LYSMD4: variants seen among roughly 807,000 people sequenced by gnomAD.
LYSMD4 encodes lysM and putative peptidoglycan-binding domain-containing protein 4.
LYSMD4 carries 9 observed loss-of-function variants against 6.1 expected under a neutral mutation model. The ratio of observed to expected loss-of-function variants is 1.47; its 90% CI spans 0.88 to 2.56. LYSMD4 has a LOEUF of 2.56. LYSMD4 is among the 30% of genes most tolerant of loss of function. The pLI is 0.00. For missense variants in LYSMD4, 384 were observed against 373.5 expected (o/e 1.03, Z -0.23); for synonymous variants, 143 against 148.5 (o/e 0.96, Z 0.27).
intron 1 of LYSMD4, chr15:99,732,817 C>G (rs944930321): frequency 6.6e-6 from 1 of 152,578 alleles, no homozygotes; most frequent in Non-Finnish European, 1.5e-5. Flanking sequence ...GCTCGACCCC[C>G]TACTCCCCGC....
chr15:99,731,393 C>G, intron 2 of LYSMD4: 1 of 1,613,220 alleles, frequency 6.2e-7, no homozygotes, highest in Non-Finnish European at 8.5e-7. Flanking sequence ...CCTGGTATCT[C>G]CAGCCCCATT....
upstream of LYSMD4, among the ~76,000 whole-genome samples, chr15:99,719,262 G>A (rs1279213959): frequency 6.6e-6 from 1 of 152,186 alleles, no homozygotes; most frequent in Non-Finnish European, 1.5e-5. Context: ...CTTACTATTT[G>A]TAACATGGTT....
chr15:99,732,023 G>A lies in LYSMD4; in HGVS notation c.-8-16C>T, dbSNP rs1484040364. 4 of 1,536,466 alleles carry A rather than the reference G, an allele frequency of 2.6e-6. No homozygotes were observed. The highest frequency in any genetic ancestry group is 3.5e-6 in the Non-Finnish European group (4 of 1,135,884). The stretch of plus-strand genomic sequence containing the variant: ...ATTTTCTTCACTGAAAATCAAGCCG[G>A]AGGGTTAATTCCACAGAAGACATAA... On this transcript the variant is annotated splice_polypyrimidine_tract_variant and intron_variant, in intron 1 of 2. Transcript: ENST00000684762.
downstream of LYSMD4, among the ~76,000 whole-genome samples, chr15:99,723,314 C>A (rs2059251866): frequency 6.6e-6 from 1 of 152,202 alleles, no homozygotes; most frequent in Non-Finnish European, 1.5e-5. Flanking sequence ...CACACCGAGG[C>A]CCCTCAGAAT....
At position 99,727,552 on chromosome 15, in the gene LYSMD4, G is replaced by A. The variant is rs1168173311; in HGVS notation, c.*1571C>T. Reference sequence around the variant, plus strand: ...ATGTTAGAGGAACCTGTGGCCCTCAGTGACACAGAGAGCACAGACATTTGG... The same window carrying A: ...ATGTTAGAGGAACCTGTGGCCCTCAATGACACAGAGAGCACAGACATTTGG... On this transcript the variant is annotated 3_prime_UTR_variant, in exon 3 of 3. Transcript: ENST00000684762. 1 of 152,228 alleles carries A rather than the reference G, an allele frequency of 6.6e-6. No homozygotes were observed. Among genetic ancestry groups the A allele is most frequent in the Non-Finnish European group, 1.5e-5 (1 of 68,044 alleles). 9.4% of individuals were successfully genotyped at this position (152,228 alleles called of 1,614,324 possible).
chr15:99,723,910 A>G (rs1047826138), downstream of LYSMD4, among the ~76,000 whole-genome samples: 4 of 144,916 alleles, frequency 2.8e-5, no homozygotes, highest in Admixed American at 2.7e-4. Flanking sequence ...TCATGTCCAG[A>G]TCACTTAAAT....
At chr15:99,731,572 C>T (rs1380404990) in intron 2 of LYSMD4, 146 bp downstream of exon 2, 1 of 1,528,172 alleles carries the variant, frequency 6.5e-7, no homozygotes, top group African/African-American at 1.4e-5. Flanking sequence ...CCAATTCTGG[C>T]TAAATAGGGG....
downstream of LYSMD4, among the ~76,000 whole-genome samples, chr15:99,726,812 A>G (rs904683865): frequency 6.6e-6 from 1 of 152,208 alleles, no homozygotes; most frequent in Non-Finnish European, 1.5e-5. Context: ...ACATAGCAAA[A>G]TGTGGAATAG....
At chr15:99,723,327 C>T (rs972629645), downstream of LYSMD4, among the ~76,000 whole-genome samples, 7 of 152,232 alleles carry the variant, frequency 4.6e-5, no homozygotes, top group South Asian at 8.3e-4. Flanking sequence ...CTCAGAATCA[C>T]ACAGCCAGTT....
In LYSMD4 at chr15:99,731,777, G is replaced by A; in HGVS notation, c.223C>T (p.Gln75Ter). The A allele has an allele frequency of 6.2e-7, 1 of 1,610,590 alleles. No homozygotes were observed. The highest frequency in any genetic ancestry group is 1.3e-5 in the African/African-American group (1 of 74,984). Residue 75 changes from glutamine to a stop codon, truncating the protein, a stop_gained, in exon 2 of 3, where the codon CAG becomes TAG. Transcript: ENST00000684762. LOFTEE classifies it high-confidence loss of function. ...CTGTCCTCCTGGGCCAGCTCCCGCT[G>A]CAGCAGCACCACGTCACCTGCTCCC... ...QAGAGDVVLL[Q>*]RELAQEDSLN...
At position 99,729,659 on chromosome 15, in the gene LYSMD4, G is replaced by T. The variant is rs900124101; in HGVS notation, c.355C>A (p.Pro119Thr). Residue 119 changes from proline to threonine, a missense_variant, in exon 3 of 3, where the codon CCA (proline) becomes ACA (threonine). Pro to Thr is a conservative substitution (Grantham distance 38). Transcript: ENST00000684762. ...DLYALKSVKIPVRNHGILMET... is the reference protein window; with the variant it reads ...DLYALKSVKITVRNHGILMET... Reference sequence around the variant, plus strand: ...ATCAGGATCCCATGGTTTCTCACTGGAATCTTAACAGATTTCAAAGCATAT... The same window carrying T: ...ATCAGGATCCCATGGTTTCTCACTGTAATCTTAACAGATTTCAAAGCATAT... 1 of 1,613,850 alleles carries T rather than the reference G, an allele frequency of 6.2e-7. No individual in the cohort carries two copies. Among genetic ancestry groups the T allele is most frequent in the African/African-American group, 1.3e-5 (1 of 74,930 alleles).
At chr15:99,726,155 T>TTG (rs1200670451), downstream of LYSMD4, among the ~76,000 whole-genome samples, 1 of 135,846 alleles carries the variant, frequency 7.4e-6, no homozygotes, top group Non-Finnish European at 1.6e-5. Flanking sequence ...GGTTTTTTTT[T>TTG]TTTTTTTTTT....
chr15:99,731,838 C>T lies in LYSMD4; in HGVS notation c.162G>A (p.Glu54=), dbSNP rs1289609113. Residue 54 remains glutamate (E), a synonymous_variant, in exon 2 of 3, where the codon GAG becomes GAA. Transcript: ENST00000684762. ...HRVVLRPRGK[E]RHKSGVHQPP... ...GCTGGTGGACACCGCTCTTGTGGCG[C>T]TCCTTGCCCCGGGGCCGCAAAACCA... 6.2e-7 allele frequency: 1 copy of T among 1,613,194 alleles called. No individual in the cohort carries two copies. Among genetic ancestry groups the T allele is most frequent in the Middle Eastern group, 1.8e-4 (1 of 5,480 alleles).
intron 2 of LYSMD4, among the ~76,000 whole-genome samples, chr15:99,729,973 T>TGG (rs1567554576): frequency 6.6e-6 from 1 of 152,274 alleles, no homozygotes; most frequent in Non-Finnish European, 1.5e-5. Flanking sequence ...TTTACAGGTT[T>TGG]GAACAATTTA....
exon 1 of LYSMD4, chr15:99,717,600 G>GCAGCTGTTA (rs1360329270): frequency 1.3e-5 from 2 of 152,114 alleles, no homozygotes; most frequent in Admixed American, 1.3e-4. Context: ...CCCAGCTGTT[G>GCAGCTGTTA]CAGGCTTTGG....
At chr15:99,731,229 A>C in intron 2 of LYSMD4, 4 of 1,611,026 alleles carry the variant, frequency 2.5e-6, no homozygotes, top group Non-Finnish European at 1.7e-6. Context: ...AAACAGGGTT[A>C]TATAGATACA....
At chr15:99,716,930 A>G (rs1447726689) in exon 1 of LYSMD4, 1 of 334,684 alleles carries the variant, frequency 3.0e-6, no homozygotes, top group Non-Finnish European at 6.0e-6. Flanking sequence ...CCCAAAATAC[A>G]TACATGATGC....
At chr15:99,724,450 A>G (rs2059261925), downstream of LYSMD4, among the ~76,000 whole-genome samples, 1 of 152,144 alleles carries the variant, frequency 6.6e-6, no homozygotes, top group African/African-American at 2.4e-5. Flanking sequence ...TTCATTACAG[A>G]TGGGGTTTCA....
At chr15:99,720,805 A>G (rs1330482648), upstream of LYSMD4, 1 of 152,192 alleles carries the variant, frequency 6.6e-6, no homozygotes, top group African/African-American at 2.4e-5. Context: ...ATATCCAGGA[A>G]TCTTCCCTCC....
Sources: allele counts gnomAD v4.1 joint callset (sites outside exome capture counted in the v4.1 genomes callset), GRCh38; gene constraint gnomAD v4.1.1; transcripts MANE v1.5; gene names NCBI Gene and HGNC (gene_info 2026-07-23, HGNC 2026-07-21).